The following GPC6 variants were observed in gnomAD, a reference collection of about 807,000 sequenced individuals.
GPC6 encodes the protein glypican 6.
Under a neutral mutation model 55.2 loss-of-function variants are expected in GPC6, and 14 were observed. That is an observed-to-expected ratio of 0.25 (90% confidence interval 0.17 to 0.40). The LOEUF (loss-of-function observed/expected upper bound fraction) is 0.40. Ranked by LOEUF, GPC6 falls within the 10% of genes least tolerant of loss-of-function variation. The pLI, the probability that GPC6 is intolerant of heterozygous loss-of-function variation, is 1.00. For synonymous variants in GPC6, 278 were observed against 259.6 expected, an observed-to-expected ratio of 1.07 and a Z score of -0.68; for missense variants, 641 against 708.5, an observed-to-expected ratio of 0.90 and a Z score of 1.08.
intron 3 of GPC6, among the ~76,000 whole-genome samples, chr13:93,849,081 G>A (rs866285725): frequency 2.6e-4 from 40 of 152,082 alleles, no homozygotes; most frequent in African/African-American, 9.4e-4. Flanking sequence ...TTGTAAACTA[G>A]TACTCAGGGA....
intron 2 of GPC6, among the ~76,000 whole-genome samples, chr13:93,777,406 C>T (rs1885505869): frequency 6.6e-6 from 1 of 152,106 alleles, no homozygotes; most frequent in Admixed American, 6.6e-5. Flanking sequence ...TCACATCTAC[C>T]CTTTTGCTCA....
intron 1 of GPC6, among the ~76,000 whole-genome samples, chr13:93,308,883 G>A (rs1878966676): frequency 6.6e-6 from 1 of 152,310 alleles, no homozygotes; most frequent in African/African-American, 2.4e-5. Context: ...ATTTCAGTGG[G>A]AATACTGATC....
chr13:93,741,819 C>T (rs1167654379), intron 2 of GPC6, among the ~76,000 whole-genome samples: 1 of 152,222 alleles, frequency 6.6e-6, no homozygotes, highest in Non-Finnish European at 1.5e-5. Context: ...TCTTTATACA[C>T]ATCCCTAATT....
intron 6 of GPC6, among the ~76,000 whole-genome samples, chr13:94,365,963 TG>T (rs917375707): frequency 6.6e-6 from 1 of 152,212 alleles, no homozygotes; most frequent in Non-Finnish European, 1.5e-5. Context: ...TGCCTAAACT[TG>T]AAGTGAAATG....
chr13:93,510,010 A>G (rs1349722972), intron 1 of GPC6, among the ~76,000 whole-genome samples: 1 of 152,130 alleles, frequency 6.6e-6, no homozygotes, highest in Non-Finnish European at 1.5e-5. Context: ...TTTAAGGCAT[A>G]TTTTTGTTAA....
intron 1 of GPC6, among the ~76,000 whole-genome samples, chr13:93,356,783 G>A (rs1880863786): frequency 6.6e-6 from 1 of 152,168 alleles, no homozygotes; most frequent in South Asian, 2.1e-4. Flanking sequence ...GTATTTGCAG[G>A]AGCCTTTCAG....
At chr13:93,389,355 A>G (rs1443741776) in intron 1 of GPC6, among the ~76,000 whole-genome samples, 2 of 151,496 alleles carry the variant, frequency 1.3e-5, no homozygotes, top group Non-Finnish European at 2.9e-5. Context: ...AAAAAAATAA[A>G]TAGCCGGGCG....
intron 2 of GPC6, among the ~76,000 whole-genome samples, chr13:93,559,839 A>C (rs989341229): frequency 6.6e-6 from 1 of 152,204 alleles, no homozygotes; most frequent in African/African-American, 2.4e-5. Flanking sequence ...TGAATGCAGA[A>C]TGCATCACGG....
intron 6 of GPC6, among the ~76,000 whole-genome samples, chr13:94,346,735 A>AT (rs1280454342): frequency 6.6e-6 from 1 of 151,866 alleles, no homozygotes; most frequent in African/African-American, 2.4e-5. Context: ...AAAAAAAAAA[A>AT]AAATTCACTG....
chr13:93,874,317 T>G (rs558309301), intron 3 of GPC6, among the ~76,000 whole-genome samples: 174 of 152,024 alleles, frequency 1.1e-3, no homozygotes, highest in African/African-American at 4.2e-3. Flanking sequence ...TTTATGTTCC[T>G]CATTAATTTG....
intron 4 of GPC6, among the ~76,000 whole-genome samples, chr13:94,071,510 C>G (rs996073562): frequency 2.0e-5 from 3 of 152,132 alleles, no homozygotes; most frequent in African/African-American, 7.2e-5. Flanking sequence ...GAAAATTATT[C>G]AATACAGAGC....
At chr13:94,249,827 A>G (rs1324749630) in intron 4 of GPC6, among the ~76,000 whole-genome samples, 4 of 152,158 alleles carry the variant, frequency 2.6e-5, no homozygotes, top group African/African-American at 9.7e-5. Context: ...TCTCTTCTCT[A>G]AACAATGTTA....
intron 2 of GPC6, among the ~76,000 whole-genome samples, chr13:93,708,406 T>C (rs967260350): frequency 6.6e-6 from 1 of 151,842 alleles, no homozygotes; most frequent in Non-Finnish European, 1.5e-5. Flanking sequence ...TTAGCAAAGA[T>C]AGCAAATACT....
chr13:94,337,170 A>C (rs2139150536), intron 6 of GPC6, among the ~76,000 whole-genome samples: 1 of 152,028 alleles, frequency 6.6e-6, no homozygotes, highest in East Asian at 1.9e-4. Context: ...ATGATACAGA[A>C]CTCTTTGGAG....
At chr13:94,309,573 G>T (rs1876128035) in intron 6 of GPC6, among the ~76,000 whole-genome samples, 1 of 152,010 alleles carries the variant, frequency 6.6e-6, no homozygotes, top group South Asian at 2.1e-4. Context: ...ATTTCCATTT[G>T]CTCCTCTAAA....
At chr13:93,362,690 A>T (rs570700569) in intron 1 of GPC6, among the ~76,000 whole-genome samples, 2,682 of 139,886 alleles carry the variant, frequency 0.019, 71 homozygotes, top group African/African-American at 0.061. Context: ...AAAAAAAAAA[A>T]TTTTTTTTAA....
At chr13:94,166,017 G>A (rs972504303) in intron 4 of GPC6, among the ~76,000 whole-genome samples, 6 of 151,990 alleles carry the variant, frequency 3.9e-5, no homozygotes, top group Admixed American at 6.5e-5. Context: ...AAAAAGTAGG[G>A]CACGTTAAAT....
intron 3 of GPC6, among the ~76,000 whole-genome samples, chr13:93,978,208 AT>A (rs1209999800): frequency 6.6e-6 from 1 of 152,184 alleles, no homozygotes; most frequent in Non-Finnish European, 1.5e-5. Context: ...AATGAAGCAG[AT>A]TCTCCCCTAA....
chr13:93,451,758 T>C (rs930912921), intron 1 of GPC6, among the ~76,000 whole-genome samples: 6 of 152,212 alleles, frequency 3.9e-5, no homozygotes, highest in Non-Finnish European at 8.8e-5. Context: ...TTTTAAAAAT[T>C]CAATAGCATT....
Sources: gnomAD v4.1 joint callset for allele counts (sites outside exome capture counted in the v4.1 genomes callset) on GRCh38, gnomAD v4.1.1 for gene constraint, MANE v1.5 for transcripts, NCBI Gene and HGNC (gene_info 2026-07-23, HGNC 2026-07-21) for gene names.